The following NME8 variants were observed in gnomAD, a reference collection of about 807,000 sequenced individuals.
NME8 encodes the protein protein NME8.
In NME8, 72 loss-of-function variants were observed where a neutral mutation model predicts 82.3. The ratio of observed to expected loss-of-function variants is 0.87; its 90% CI spans 0.72 to 1.06. The LOEUF (loss-of-function observed/expected upper bound fraction) is 1.06, where lower values mean the gene tolerates loss of function less well. NME8 is among the 50% of genes least tolerant of loss of function. NME8 has a pLI of 0.00. For missense variants in NME8, 712 were observed against 685.4 expected, an observed-to-expected ratio of 1.04 and a Z score of -0.43; for synonymous variants, 267 against 228.5, an observed-to-expected ratio of 1.17 and a Z score of -1.52.
rs374936919 is a variant in NME8 at position 37,849,763 on chromosome 7, C to T, written c.-7-497C>T. On this transcript the variant is annotated intron_variant, in intron 2 of 17. Coordinates refer to ENST00000199447, the MANE Select transcript of NME8 (RefSeq NM_016616.5). ...GCGGGTGCCTGTAGTCACAGGTACT[C>T]TGGAGGCTGAGGCAGGAGAATCGCT... Among the ~76,000 whole-genome samples the T allele has an allele frequency of 2.0e-3, 301 of 151,176 alleles. 1 individual carries two copies. The highest frequency in any genetic ancestry group is 7.0e-3 in the African/African-American group (290 of 41,206).
At chr7:37,881,841 AG>A (rs1309188377) in intron 12 of NME8, among the ~76,000 whole-genome samples, 1 of 152,202 alleles carries the variant, frequency 6.6e-6, no homozygotes, top group African/African-American at 2.4e-5. Context: ...TAATAGATAT[AG>A]GGCTAATCAT....
chr7:37,889,198 A>G (rs144035808), intron 15 of NME8, among the ~76,000 whole-genome samples: 2 of 152,068 alleles, frequency 1.3e-5, no homozygotes, highest in African/African-American at 4.8e-5. Context: ...TATCTATTCC[A>G]GCTATGTAAT....
intron 5 of NME8, among the ~76,000 whole-genome samples, chr7:37,855,267 A>T (rs1784494473): frequency 6.6e-6 from 1 of 152,174 alleles, no homozygotes; most frequent in Admixed American, 6.5e-5. Context: ...CAAAGCACTG[A>T]TGGAACCAAT....
intron 5 of NME8, among the ~76,000 whole-genome samples, chr7:37,851,023 T>A (rs1434393710): frequency 6.6e-6 from 1 of 152,212 alleles, no homozygotes; most frequent in Admixed American, 6.5e-5. Context: ...GACCACATGT[T>A]CAGTGTGTGT....
At chr7:37,894,213 T>A (rs981908136) in intron 15 of NME8, among the ~76,000 whole-genome samples, 6 of 152,132 alleles carry the variant, frequency 3.9e-5, no homozygotes, top group Middle Eastern at 3.2e-3. Flanking sequence ...CCCCTTCTAC[T>A]CTTGTGGCCT....
chr7:37,854,382 G>A (rs1359671169), intron 5 of NME8, among the ~76,000 whole-genome samples: 1 of 152,122 alleles, frequency 6.6e-6, no homozygotes, highest in Non-Finnish European at 1.5e-5. Context: ...CGTCTCAGGG[G>A]TGGCAGAAGC....
In NME8 at chr7:37,850,451, G is replaced by A. The variant is rs746669564; in HGVS notation, c.91+16G>A. The A allele has an allele frequency of 2.0e-5, 33 of 1,613,764 alleles. No homozygotes were observed. Among genetic ancestry groups the A allele is most frequent in the Middle Eastern group, 1.7e-4 (1 of 6,056 alleles). On this transcript the variant is annotated intron_variant, in intron 4 of 17. Coordinates refer to ENST00000199447, the MANE Select transcript of NME8 (RefSeq NM_016616.5). Reference sequence around the variant, plus strand: ...GGCTTAACAGGTATAAGGACTCCCCGGCTGTCTGGCCACCTGGGGTTTGAC... The same window carrying A: ...GGCTTAACAGGTATAAGGACTCCCCAGCTGTCTGGCCACCTGGGGTTTGAC...
chr7:37,889,581 A>G (rs959750877), intron 15 of NME8, among the ~76,000 whole-genome samples: 16 of 152,046 alleles, frequency 1.1e-4, no homozygotes, highest in African/African-American at 3.9e-4. Flanking sequence ...ATAATTAATT[A>G]TTGAAATTTT....
At chr7:37,870,196 T>A (rs1304573291) in intron 11 of NME8, among the ~76,000 whole-genome samples, 1 of 151,264 alleles carries the variant, frequency 6.6e-6, no homozygotes, top group Non-Finnish European at 1.5e-5. Flanking sequence ...AGAAGAATTG[T>A]CTTGGGCCAC....
chr7:37,872,443 C>G (rs1294839403), intron 11 of NME8, among the ~76,000 whole-genome samples: 2 of 152,000 alleles, frequency 1.3e-5, no homozygotes, highest in Admixed American at 6.6e-5. Context: ...CAACACAAGT[C>G]TAGTGAAAAA....
At chr7:37,882,546 GGAAAGAAAGAAAGAAAGAAAGAAA>G (rs753903098) in intron 12 of NME8, among the ~76,000 whole-genome samples, 1 of 102,016 alleles carries the variant, frequency 9.8e-6, no homozygotes, top group African/African-American at 3.5e-5. Context: ...AGGGAGGAAG[GGAAAGAAAGAAAGAAAGAAAGAAA>G]GAAAGAAAGA....
In NME8 at chr7:37,867,847, C is replaced by T. The variant is rs781400657; in HGVS notation, c.767C>T (p.Pro256Leu). 6.2e-7 allele frequency: 1 copy of T among 1,613,840 alleles called. No individual in the cohort carries two copies. The highest frequency in any genetic ancestry group is 1.1e-5 in the South Asian group (1 of 91,072). ...TEPNERSEDQPEVEAQVTPGM... is the reference protein window; with the variant it reads ...TEPNERSEDQLEVEAQVTPGM... ...CCTAACGAACGATCTGAGGATCAAC[C>T]TGAGGTCGAAGCCCAGGTTACACCT... Residue 256 changes from proline (P) to leucine (L), a missense_variant, in exon 11 of 18, where the codon CCT (proline) becomes CTT (leucine). By Grantham distance (98) the Pro-to-Leu change is moderately conservative (BLOSUM62 -3). Coordinates refer to ENST00000199447, the MANE Select transcript of NME8 (RefSeq NM_016616.5).
intron 12 of NME8, among the ~76,000 whole-genome samples, chr7:37,882,510 T>C (rs1469957975): frequency 5.4e-5 from 5 of 93,176 alleles, no homozygotes; most frequent in Non-Finnish European, 1.1e-4. Flanking sequence ...AGAAAAGAAA[T>C]AAAGGAAGGA....
chr7:37,856,853 C>G (rs1006357184), intron 5 of NME8, among the ~76,000 whole-genome samples: 1 of 152,094 alleles, frequency 6.6e-6, no homozygotes, highest in African/African-American at 2.4e-5. Flanking sequence ...GCAGGTGTAA[C>G]AGGCCCACAC....
At chr7:37,898,613 C>T (rs1785267582) in intron 17 of NME8, among the ~76,000 whole-genome samples, 1 of 152,096 alleles carries the variant, frequency 6.6e-6, no homozygotes, top group African/African-American at 2.4e-5. Context: ...AAATGTTAGA[C>T]ACAGAAGAAC....
intron 5 of NME8, among the ~76,000 whole-genome samples, chr7:37,856,948 AG>A (rs1286595611): frequency 6.6e-6 from 1 of 152,202 alleles, no homozygotes. Flanking sequence ...GATGATTTAC[AG>A]CAAAAGGAAG....
At chr7:37,879,377 C>A (rs1288851791) in intron 12 of NME8, among the ~76,000 whole-genome samples, 2 of 151,976 alleles carry the variant, frequency 1.3e-5, no homozygotes, top group African/African-American at 4.8e-5. Context: ...AAACTCCTGA[C>A]CTCAAGTGAT....
intron 12 of NME8, among the ~76,000 whole-genome samples, chr7:37,880,278 C>G (rs1025790457): frequency 6.6e-6 from 1 of 152,160 alleles, no homozygotes; most frequent in African/African-American, 2.4e-5. Flanking sequence ...TTGCTAACCA[C>G]AAGGTCACCT....
In NME8 at chr7:37,862,191, G is replaced by T. The variant is rs545607308; in HGVS notation, c.387+47G>T. The T allele has an allele frequency of 1.8e-5, 23 of 1,290,606 alleles. No individual in the cohort carries two copies. The South Asian group carries it at 2.7e-4, about 15-fold the overall frequency. 79.9% of individuals were successfully genotyped at this position (1,290,606 alleles called of 1,614,324 possible). A position where few individuals can be genotyped will look rare whatever the true frequency, so the allele number is the denominator to read the frequency against. On this transcript the variant is annotated intron_variant, in intron 7 of 17. Coordinates refer to ENST00000199447, the MANE Select transcript of NME8 (RefSeq NM_016616.5). ...AGTTTGAAGACAAGCTTATCATTTAGAGTGAAATAGAACAAAATGCACTAC... is the reference window on the plus strand; with the variant it reads ...AGTTTGAAGACAAGCTTATCATTTATAGTGAAATAGAACAAAATGCACTAC...
Sources: gnomAD v4.1 joint callset for allele counts (sites outside exome capture counted in the v4.1 genomes callset) on GRCh38, gnomAD v4.1.1 for gene constraint, MANE v1.5 for transcripts, NCBI Gene and HGNC (gene_info 2026-07-23, HGNC 2026-07-21) for gene names.